CSGALNACT1: variants seen among roughly 807,000 people sequenced by gnomAD.
CSGALNACT1 encodes the protein chondroitin sulfate N-acetylgalactosaminyltransferase 1, also known as beta4GalNAcT-1.
In CSGALNACT1, 52 loss-of-function variants were observed where a neutral mutation model predicts 51.0. That is an observed-to-expected ratio of 1.02 (90% confidence interval 0.82 to 1.29). The LOEUF (loss-of-function observed/expected upper bound fraction) is 1.29. Among genes scored for constraint, CSGALNACT1 ranks in the 50% most tolerant of loss-of-function variants. CSGALNACT1 has a pLI of 0.00. For missense variants in CSGALNACT1, 935 were observed against 679.2 expected (o/e 1.38, Z -4.19); for synonymous variants, 341 against 254.4 (o/e 1.34, Z -3.24).
intron 3 of CSGALNACT1, among the ~76,000 whole-genome samples, chr8:19,518,241 TCTAA>T (rs914711487): frequency 1.6e-4 from 24 of 152,304 alleles, no homozygotes; most frequent in African/African-American, 5.3e-4. Flanking sequence ...CAAATCATTT[TCTAA>T]CTAAGAGCAG....
At chr8:19,471,821 T>C (rs562072718) in intron 4 of CSGALNACT1, among the ~76,000 whole-genome samples, 2 of 152,272 alleles carry the variant, frequency 1.3e-5, no homozygotes, top group South Asian at 2.1e-4. Context: ...GATGTTTAAG[T>C]CTAACTTGCT....
chr8:19,469,510 T>G (rs2067588324), intron 4 of CSGALNACT1, among the ~76,000 whole-genome samples: 2 of 152,174 alleles, frequency 1.3e-5, no homozygotes, highest in Non-Finnish European at 1.5e-5. Flanking sequence ...TGGGATAGAT[T>G]TGAAAAATGA....
At chr8:19,556,438 G>A (rs900640354) in intron 3 of CSGALNACT1, among the ~76,000 whole-genome samples, 10 of 151,808 alleles carry the variant, frequency 6.6e-5, no homozygotes, top group African/African-American at 1.2e-4. Flanking sequence ...TTTAACATCT[G>A]TTCCTTTTAT....
chr8:19,730,436 T>C (rs960888059), intron 1 of CSGALNACT1, among the ~76,000 whole-genome samples: 1 of 152,208 alleles, frequency 6.6e-6, no homozygotes, highest in East Asian at 1.9e-4. Flanking sequence ...TGTTCTGTAT[T>C]GTTAAACTGG....
rs537339401 is a variant in CSGALNACT1 at position 19,617,285 on chromosome 8, G to A, written c.-543-15420C>T. Reference sequence around the variant, plus strand: ...AATACAAATGAAGTTTCGCTCACTCGCCTGCCGTTCACCTTCTATGGGGCC... The same window carrying A: ...AATACAAATGAAGTTTCGCTCACTCACCTGCCGTTCACCTTCTATGGGGCC... On this transcript the variant is annotated intron_variant, in intron 1 of 9. Transcript: ENST00000332246. Among the ~76,000 whole-genome samples the A allele has an allele frequency of 2.6e-4, 40 of 152,254 alleles. 1 individual carries two copies. In the South Asian group the frequency reaches 7.7e-3, roughly 29 times the overall value.
intron 1 of CSGALNACT1, among the ~76,000 whole-genome samples, chr8:19,640,844 A>G (rs1040858444): frequency 6.6e-6 from 1 of 152,204 alleles, no homozygotes; most frequent in South Asian, 2.1e-4. Context: ...TGTATTTCAG[A>G]AAGTAGAATT....
intron 4 of CSGALNACT1, among the ~76,000 whole-genome samples, chr8:19,496,901 T>C (rs1243745410): frequency 1.3e-5 from 2 of 151,994 alleles, no homozygotes; most frequent in African/African-American, 2.4e-5. Flanking sequence ...GAAAGAACCT[T>C]AGGACACCGA....
chr8:19,730,329 T>G (rs1379425295), intron 1 of CSGALNACT1, among the ~76,000 whole-genome samples: 1 of 151,980 alleles, frequency 6.6e-6, no homozygotes, highest in East Asian at 1.9e-4. Flanking sequence ...CTGGCTGCGG[T>G]GGGATTTGAA....
chr8:19,409,491 A>G (rs568359495), intron 8 of CSGALNACT1, among the ~76,000 whole-genome samples: 2 of 108,304 alleles, frequency 1.8e-5, no homozygotes, highest in African/African-American at 6.3e-5. Flanking sequence ...GTGTACATAT[A>G]TATATATATA....
intron 4 of CSGALNACT1, among the ~76,000 whole-genome samples, chr8:19,482,699 A>G (rs1013833408): frequency 6.6e-6 from 1 of 152,092 alleles, no homozygotes; most frequent in Admixed American, 6.5e-5. Flanking sequence ...CAAAGTTCCG[A>G]TCACAGATCG....
At chr8:19,576,645 T>C (rs557801979) in intron 3 of CSGALNACT1, among the ~76,000 whole-genome samples, 1 of 151,586 alleles carries the variant, frequency 6.6e-6, no homozygotes, top group South Asian at 2.1e-4. Context: ...GATCTCTCAT[T>C]AGATCTCACC....
intron 4 of CSGALNACT1, among the ~76,000 whole-genome samples, chr8:19,475,208 T>C (rs975517112): frequency 1.3e-5 from 2 of 152,046 alleles, no homozygotes; most frequent in African/African-American, 4.8e-5. Flanking sequence ...GGAGGAAGAA[T>C]ATGGCACAAT....
At chr8:19,745,136 T>A (rs556810353) in intron 1 of CSGALNACT1, among the ~76,000 whole-genome samples, 1 of 152,360 alleles carries the variant, frequency 6.6e-6, no homozygotes, top group Middle Eastern at 3.4e-3. Flanking sequence ...TCAAGTATTT[T>A]TGTATGTGTT....
intron 4 of CSGALNACT1, among the ~76,000 whole-genome samples, chr8:19,500,956 C>T (rs560331560): frequency 6.6e-6 from 1 of 152,196 alleles, no homozygotes; most frequent in African/African-American, 2.4e-5. Flanking sequence ...GGATAAAAGG[C>T]ATAAGGGCAG....
intron 3 of CSGALNACT1, among the ~76,000 whole-genome samples, chr8:19,518,250 G>C (rs934291515): frequency 6.6e-6 from 1 of 152,160 alleles, no homozygotes; most frequent in African/African-American, 2.4e-5. Flanking sequence ...TTCTAACTAA[G>C]AGCAGCCTGA....
At chr8:19,588,122 G>C (rs982031503) in intron 3 of CSGALNACT1, 1 of 151,970 alleles carries the variant, frequency 6.6e-6, no homozygotes. Context: ...GTATGGGGTG[G>C]GGAGGTAGGT....
chr8:19,657,879 C>T (rs946458050), intron 1 of CSGALNACT1, among the ~76,000 whole-genome samples: 1 of 152,056 alleles, frequency 6.6e-6, no homozygotes, highest in Non-Finnish European at 1.5e-5. Flanking sequence ...TGGGCACCCC[C>T]GATGGGGTTT....
rs1024533891 is a variant in CSGALNACT1, at chr8:19,756,226, T to A, written c.-297+1624A>T. Reference sequence around the variant, plus strand: ...CAGAATTAAATTTAAATTTCCAGTTTAAAAAAAAAAACCGTGAAAGAACAC... The same window carrying A: ...CAGAATTAAATTTAAATTTCCAGTTAAAAAAAAAAAACCGTGAAAGAACAC... On this transcript the variant is annotated intron_variant, in intron 1 of 1. Transcript: ENST00000517494. Among the ~76,000 whole-genome samples the A allele has an allele frequency of 1.1e-4, 16 of 149,578 alleles. No individual in the cohort carries two copies. The South Asian group carries it at 2.6e-3, about 24-fold the overall frequency.
chr8:19,617,443 A>T (rs979935127), intron 1 of CSGALNACT1, among the ~76,000 whole-genome samples: 33 of 152,156 alleles, frequency 2.2e-4, no homozygotes, highest in African/African-American at 7.7e-4. Context: ...GAACACCCTA[A>T]CACAATGTTT....
Sources: gnomAD v4.1 joint callset for allele counts (sites outside exome capture counted in the v4.1 genomes callset) on GRCh38, gnomAD v4.1.1 for gene constraint, MANE v1.5 for transcripts, NCBI Gene and HGNC (gene_info 2026-07-23, HGNC 2026-07-21) for gene names.